The following BAIAP2 variants were observed in gnomAD, a reference collection of about 807,000 sequenced individuals.
BAIAP2 encodes BAR/IMD domain-containing adapter protein 2.
Under a neutral mutation model 63.0 loss-of-function variants are expected in BAIAP2, and 18 were observed. The ratio of observed to expected loss-of-function variants is 0.29; its 90% CI spans 0.20 to 0.42. The LOEUF is 0.42. BAIAP2 is among the 10% of genes least tolerant of loss of function. BAIAP2 has a pLI of 1.00. For synonymous variants in BAIAP2, 386 were observed against 307.6 expected (o/e 1.25, Z -2.67); for missense variants, 610 against 734.3 (o/e 0.83, Z 1.96).
chr17:81,079,906 G>T (rs949913261), intron 3 of BAIAP2, among the ~76,000 whole-genome samples: 1 of 152,150 alleles, frequency 6.6e-6, no homozygotes, highest in African/African-American at 2.4e-5. Flanking sequence ...GGGTGGGCCT[G>T]GGTAAGTCTG....
intron 5 of BAIAP2, among the ~76,000 whole-genome samples, chr17:81,086,067 C>G (rs1056345750): frequency 6.6e-6 from 1 of 152,144 alleles, no homozygotes; most frequent in Admixed American, 6.5e-5. Context: ...CCGTCCTGCC[C>G]CACCGCCACT....
At chr17:81,074,179 T>C (rs896746257) in intron 3 of BAIAP2, among the ~76,000 whole-genome samples, 2 of 152,242 alleles carry the variant, frequency 1.3e-5, no homozygotes, top group African/African-American at 4.8e-5. Flanking sequence ...GAGAAGGTCC[T>C]TGCTCTTAGG....
chr17:81,077,305 G>A (rs532808785), intron 3 of BAIAP2, among the ~76,000 whole-genome samples: 1 of 152,126 alleles, frequency 6.6e-6, no homozygotes, highest in African/African-American at 2.4e-5. Context: ...GGCAGCTCAC[G>A]CCTGTAATCC....
At chr17:81,082,411 C>T (rs141227062) in intron 3 of BAIAP2, among the ~76,000 whole-genome samples, 17 of 152,270 alleles carry the variant, frequency 1.1e-4, no homozygotes, top group African/African-American at 2.6e-4. Flanking sequence ...ATGTCATCTT[C>T]GCAGGCAGAG....
At chr17:81,044,723 A>G (rs2047562491) in intron 1 of BAIAP2, among the ~76,000 whole-genome samples, 1 of 152,094 alleles carries the variant, frequency 6.6e-6, no homozygotes, top group Non-Finnish European at 1.5e-5. Context: ...TTGTATTACG[A>G]GCCTATGATG....
At chr17:81,040,102 C>T (rs9897600) in intron 1 of BAIAP2, among the ~76,000 whole-genome samples, 16,693 of 152,234 alleles carry the variant, frequency 0.11, 1,030 homozygotes, top group East Asian at 0.27. Flanking sequence ...TGGGGACACT[C>T]GCCACCGTCT....
chr17:81,050,460 C>T (rs556886363), intron 1 of BAIAP2, among the ~76,000 whole-genome samples: 7 of 152,314 alleles, frequency 4.6e-5, no homozygotes, highest in South Asian at 4.1e-4. Context: ...GCATGGCCGC[C>T]GTGCTGACCC....
intron 1 of BAIAP2, among the ~76,000 whole-genome samples, chr17:81,044,113 C>T (rs2047461541): frequency 6.6e-6 from 1 of 152,184 alleles, no homozygotes; most frequent in African/African-American, 2.4e-5. Flanking sequence ...CGGGCTGGCA[C>T]CTCCCACCTG....
intron 6 of BAIAP2, among the ~76,000 whole-genome samples, chr17:81,092,022 G>A (rs185432368): frequency 3.3e-3 from 504 of 152,394 alleles, no homozygotes; most frequent in Non-Finnish European, 5.3e-3. Context: ...CGCTGATGAA[G>A]GGGAGGTGGT....
intron 3 of BAIAP2, among the ~76,000 whole-genome samples, chr17:81,081,047 C>T (rs1303760044): frequency 3.9e-5 from 6 of 152,204 alleles, no homozygotes; most frequent in African/African-American, 7.2e-5. Flanking sequence ...TGGGTGGGTT[C>T]CCCCTCTCAG....
rs1238287929 is a variant in BAIAP2, at chr17:81,046,490, A to C, written c.55-7178A>C. On this transcript the variant is annotated intron_variant, in intron 1 of 13. Transcript: ENST00000428708. This position sits in a 1 kb window ranked among gnomAD's most constrained non-coding sequence, Gnocchi z 4.5. ...CTTCCTTCACACCCCCACAGCCCCC[A>C]CTCCTCTTGCCCTGTGAGCCAGCTC... Among the ~76,000 whole-genome samples, 1 of 150,618 alleles carries C rather than the reference A, an allele frequency of 6.6e-6. No individual in the cohort carries two copies.
intron 10 of BAIAP2, chr17:81,105,872 C>G: frequency 1.9e-6 from 1 of 525,818 alleles, no homozygotes. Flanking sequence ...AGGTTGAGGA[C>G]AGCCCGGGCC....
chr17:81,091,061 TGGACCCGCCCCCAC>T (rs2056660841), intron 6 of BAIAP2, among the ~76,000 whole-genome samples: 1 of 89,740 alleles, frequency 1.1e-5, no homozygotes, highest in Non-Finnish European at 2.7e-5. Context: ...CCCACTTGTG[TGGACCCGCCCCCAC>T]TTGTGTGCCC....
chr17:81,077,732 G>A (rs1482988601), intron 3 of BAIAP2, among the ~76,000 whole-genome samples: 2 of 152,242 alleles, frequency 1.3e-5, no homozygotes, highest in Non-Finnish European at 2.9e-5. Context: ...TCTCAGGTGC[G>A]AGCCAGACAC....
chr17:81,104,792 C>T, intron 10 of BAIAP2, 77 bp downstream of exon 10: 1 of 1,417,450 alleles, frequency 7.1e-7, no homozygotes, highest in Non-Finnish European at 9.6e-7. Context: ...CTCAAGTGCA[C>T]TGAGACCTTG....
chr17:81,108,300 C>T, intron 12 of BAIAP2, 175 bp from the exon 13 acceptor site: 2 of 655,556 alleles, frequency 3.1e-6, no homozygotes, highest in African/African-American at 1.8e-5. Context: ...CCACTGGGAC[C>T]AGGGCTCCAG....
chr17:81,085,569 C>A (rs2145301395), intron 4 of BAIAP2, 85 bp from the exon 5 acceptor site: 1 of 1,151,572 alleles, frequency 8.7e-7, no homozygotes, highest in Non-Finnish European at 1.3e-6. Flanking sequence ...GTGTCTCGTG[C>A]CCATCCGCTC....
At chr17:81,086,342 C>T (rs1361141020) in intron 5 of BAIAP2, 101 bp from the exon 6 acceptor site, 34 of 1,427,018 alleles carry the variant, frequency 2.4e-5, no homozygotes, top group Non-Finnish European at 2.2e-5. Flanking sequence ...GGCAAGGGGA[C>T]CCCGTTGCGT....
intron 4 of BAIAP2, 75 bp downstream of exon 4, chr17:81,084,968 G>C: frequency 6.8e-7 from 1 of 1,470,202 alleles, no homozygotes; most frequent in Non-Finnish European, 9.5e-7. Flanking sequence ...CCTTGGCCGT[G>C]TGTCCACTTG....
Sources: allele counts gnomAD v4.1 joint callset (sites outside exome capture counted in the v4.1 genomes callset), GRCh38; gene constraint gnomAD v4.1.1; non-coding constraint Gnocchi (gnomAD v3.1); transcripts MANE v1.5; gene names NCBI Gene and HGNC (gene_info 2026-07-23, HGNC 2026-07-21).